The following DTD1 variants were observed in gnomAD, a reference collection of about 807,000 sequenced individuals.
DTD1 encodes D-aminoacyl-tRNA deacylase 1.
Under a neutral mutation model 25.6 loss-of-function variants are expected in DTD1, and 13 were observed. The observed-to-expected ratio is 0.51, with a 90% CI of 0.33 to 0.81. The LOEUF (loss-of-function observed/expected upper bound fraction) is 0.81, where lower values mean the gene tolerates loss of function less well. DTD1 is among the 30% of genes least tolerant of loss of function. The probability of loss-of-function intolerance (pLI) is 0.02; values close to 1 mark genes in which losing one functional copy is unlikely to be tolerated. For missense variants in DTD1, 193 were observed against 266.4 expected (o/e 0.72, Z 1.92); for synonymous variants, 110 against 103.6 (o/e 1.06, Z -0.37).
intron 4 of DTD1, among the ~76,000 whole-genome samples, chr20:18,667,688 T>C (rs1275128323): frequency 6.6e-6 from 1 of 152,228 alleles, no homozygotes. Context: ...GTCTGCCTTA[T>C]GAACTGACCA....
At chr20:18,671,999 C>T (rs1476983231) in intron 4 of DTD1, among the ~76,000 whole-genome samples, 8 of 152,058 alleles carry the variant, frequency 5.3e-5, no homozygotes, top group Admixed American at 2.0e-4. Context: ...TTTGGGAGGC[C>T]GAGGTGGGAG....
intron 1 of DTD1, among the ~76,000 whole-genome samples, chr20:18,589,083 G>T (rs371221050): frequency 2.0e-5 from 3 of 152,176 alleles, no homozygotes; most frequent in East Asian, 3.9e-4. Flanking sequence ...GGGGGCTGTG[G>T]CTCACACCTG....
At chr20:18,753,598 A>C (rs1386501316) in intron 5 of DTD1, among the ~76,000 whole-genome samples, 3 of 118,732 alleles carry the variant, frequency 2.5e-5, no homozygotes, top group Non-Finnish European at 5.6e-5. Flanking sequence ...ATGAAGCGAA[A>C]CTCTGTCTCA....
chr20:18,749,794 T>G lies in DTD1; in HGVS notation c.*19+5523T>G, dbSNP rs1217101955. Among the ~76,000 whole-genome samples, 1 of 152,050 alleles carries G rather than the reference T, an allele frequency of 6.6e-6. No homozygotes were observed. Among genetic ancestry groups the G allele is most frequent in the Non-Finnish European group, 1.5e-5 (1 of 68,022 alleles). ...TGAGGACCCAGAGTACTGTTGACATTAAGGTGAAATGGAGCCTCTGTCTGG... is the reference window on the plus strand; with the variant it reads ...TGAGGACCCAGAGTACTGTTGACATGAAGGTGAAATGGAGCCTCTGTCTGG... On this transcript the variant is annotated intron_variant, in intron 5 of 5. Coordinates refer to ENST00000377452, the MANE Select transcript of DTD1 (RefSeq NM_080820.6). This position sits in a 1 kb window ranked among gnomAD's most constrained non-coding sequence, Gnocchi z 4.2.
At chr20:18,624,207 C>G (rs1256882537) in intron 3 of DTD1, among the ~76,000 whole-genome samples, 1 of 152,126 alleles carries the variant, frequency 6.6e-6, no homozygotes, top group Non-Finnish European at 1.5e-5. Flanking sequence ...TAGGCTGTTT[C>G]CCAAGCCGTG....
At chr20:18,609,332 A>T (rs533216279) in intron 3 of DTD1, among the ~76,000 whole-genome samples, 1 of 150,308 alleles carries the variant, frequency 6.7e-6, no homozygotes, top group African/African-American at 2.4e-5. Context: ...TTTTTTTTTT[A>T]GTAGAAATGG....
chr20:18,622,942 A>ATTTT (rs771564529), intron 3 of DTD1, among the ~76,000 whole-genome samples: 2,041 of 129,786 alleles, frequency 0.016, 79 homozygotes, highest in African/African-American at 0.026. Context: ...ATTTTATAGA[A>ATTTT]TTTTTTTTTT....
At chr20:18,595,369 C>T (rs942758452) in intron 2 of DTD1, among the ~76,000 whole-genome samples, 28 of 151,986 alleles carry the variant, frequency 1.8e-4, no homozygotes, top group African/African-American at 5.8e-4. Flanking sequence ...CTGGTTCAAG[C>T]GATTTTTGTG....
chr20:18,727,039 C>T (rs1249737932), intron 4 of DTD1, among the ~76,000 whole-genome samples: 1 of 152,202 alleles, frequency 6.6e-6, no homozygotes, highest in Non-Finnish European at 1.5e-5. Flanking sequence ...TGCTGGGACC[C>T]GTGGCTATGG....
chr20:18,596,482 A>G (rs2060611965), intron 3 of DTD1, among the ~76,000 whole-genome samples: 1 of 152,144 alleles, frequency 6.6e-6, no homozygotes, highest in African/African-American at 2.4e-5. Flanking sequence ...AATGTTTGGG[A>G]ACCCAGAGGT....
At chr20:18,740,210 G>A (rs1350847856) in intron 4 of DTD1, among the ~76,000 whole-genome samples, 1 of 151,736 alleles carries the variant, frequency 6.6e-6, no homozygotes, top group Non-Finnish European at 1.5e-5. Flanking sequence ...AGAGTACAAA[G>A]TGAAGAACAG....
At chr20:18,615,313 G>T (rs2060704997) in intron 3 of DTD1, among the ~76,000 whole-genome samples, 1 of 151,944 alleles carries the variant, frequency 6.6e-6, no homozygotes, top group African/African-American at 2.4e-5. Flanking sequence ...GCTGTTTCTC[G>T]AATCATTGCT....
At chr20:18,756,172 C>T (rs921206063) in intron 5 of DTD1, among the ~76,000 whole-genome samples, 4 of 152,132 alleles carry the variant, frequency 2.6e-5, no homozygotes, top group Non-Finnish European at 5.9e-5. Flanking sequence ...GGATATTAGC[C>T]GTTTCTCAGT....
chr20:18,681,442 G>A (rs6081291), intron 4 of DTD1, among the ~76,000 whole-genome samples: 54,975 of 152,066 alleles, frequency 0.36, 10,259 homozygotes, highest in Non-Finnish European at 0.41. Context: ...TATCATTCAG[G>A]TTTATCCCAT....
intron 4 of DTD1, among the ~76,000 whole-genome samples, chr20:18,724,916 T>C (rs1384872551): frequency 6.6e-6 from 1 of 152,244 alleles, no homozygotes; most frequent in Non-Finnish European, 1.5e-5. Flanking sequence ...GCCCCCTCTT[T>C]TGTTCTTTCA....
intron 4 of DTD1, among the ~76,000 whole-genome samples, chr20:18,648,331 T>C (rs1278184789): frequency 6.6e-6 from 1 of 152,184 alleles, no homozygotes; most frequent in Admixed American, 6.5e-5. Flanking sequence ...GCATAGGCTG[T>C]ACCCCAAGCC....
rs1292974196 is a variant in DTD1 at position 18,666,084 on chromosome 20, C to T, written c.477+37851C>T. Among the ~76,000 whole-genome samples the T allele has an allele frequency of 4.6e-5, 7 of 152,184 alleles. No individual in the cohort carries two copies. In the East Asian group the frequency reaches 7.7e-4, roughly 17 times the overall value. ...TCCTGTTTCAGGATCTGCCACATTG[C>T]ATTTTGTTGTCAGTGACAGTTTCTC... is the stretch of plus-strand genomic sequence containing the variant. On this transcript the variant is annotated intron_variant, in intron 4 of 5. Coordinates refer to ENST00000377452, the MANE Select transcript of DTD1 (RefSeq NM_080820.6).
At chr20:18,740,446 GTA>G (rs1204992169) in intron 4 of DTD1, among the ~76,000 whole-genome samples, 1 of 151,566 alleles carries the variant, frequency 6.6e-6, no homozygotes, top group African/African-American at 2.4e-5. Flanking sequence ...ATATATGTGT[GTA>G]TATGTGTATG....
chr20:18,639,489 C>T (rs2060820493), intron 4 of DTD1, among the ~76,000 whole-genome samples: 3 of 152,102 alleles, frequency 2.0e-5, no homozygotes, highest in African/African-American at 7.2e-5. Flanking sequence ...AAGTCATTGT[C>T]AGAAGGGAGG....
Sources: allele counts gnomAD v4.1 joint callset (sites outside exome capture counted in the v4.1 genomes callset), GRCh38; gene constraint gnomAD v4.1.1; non-coding constraint Gnocchi (gnomAD v3.1); transcripts MANE v1.5; gene names NCBI Gene and HGNC (gene_info 2026-07-23, HGNC 2026-07-21).